KCNH2: variants seen among roughly 807,000 people sequenced by gnomAD.
KCNH2 encodes the protein voltage-gated inwardly rectifying potassium channel KCNH2.
KCNH2 carries 35 observed loss-of-function variants against 95.9 expected under a neutral mutation model. The ratio of observed to expected loss-of-function variants is 0.37; its 90% CI spans 0.28 to 0.48. KCNH2 has a LOEUF of 0.48. Ranked by LOEUF, KCNH2 falls within the 20% of genes least tolerant of loss-of-function variation. The probability of loss-of-function intolerance (pLI) is 0.99; values close to 1 mark genes in which losing one functional copy is unlikely to be tolerated. For missense variants in KCNH2, 1,274 were observed against 1,702.9 expected (o/e 0.75, Z 4.43); for synonymous variants, 786 against 754.7 (o/e 1.04, Z -0.68).
chr7:150,965,779 C>T (rs977036237), intron 2 of KCNH2, among the ~76,000 whole-genome samples: 10 of 152,226 alleles, frequency 6.6e-5, no homozygotes, highest in Admixed American at 3.9e-4. Context: ...CAGGGCAGGA[C>T]TGGCAGTTGC....
intron 2 of KCNH2, among the ~76,000 whole-genome samples, chr7:150,960,458 C>T (rs924021368): frequency 1.6e-4 from 25 of 152,314 alleles, no homozygotes; most frequent in Admixed American, 3.9e-4. Flanking sequence ...ACACTACAGA[C>T]GGTTAGCTGT....
chr7:150,973,774 C>T (rs1247044838), intron 2 of KCNH2, among the ~76,000 whole-genome samples: 2 of 152,258 alleles, frequency 1.3e-5, no homozygotes, highest in Non-Finnish European at 2.9e-5. Context: ...CTGTCTACAG[C>T]AGACAAGCTC....
At chr7:150,967,931 C>T (rs1215386910) in intron 2 of KCNH2, among the ~76,000 whole-genome samples, 3 of 152,146 alleles carry the variant, frequency 2.0e-5, no homozygotes, top group African/African-American at 4.8e-5. Context: ...TCCTGCAAAT[C>T]AACAAGGACA....
rs909249955 is a variant in KCNH2 at position 150,962,880 on chromosome 7, G to A, written c.308-3144C>T. On this transcript the variant is annotated intron_variant, in intron 2 of 14. Coordinates refer to ENST00000262186, the MANE Select transcript of KCNH2 (RefSeq NM_000238.4). The surrounding 1 kb of genome is among the most constrained non-coding windows in gnomAD (Gnocchi z 5.7). ...AGGCACTGCCTGCAACCACCCTGCCGCGTCGGCTGGGGCTTCGGTGAACTG... is the reference window on the plus strand; with the variant it reads ...AGGCACTGCCTGCAACCACCCTGCCACGTCGGCTGGGGCTTCGGTGAACTG... Among the ~76,000 whole-genome samples the A allele has an allele frequency of 6.6e-6, 1 of 152,170 alleles. No homozygotes were observed. Among genetic ancestry groups the A allele is most frequent in the Non-Finnish European group, 1.5e-5 (1 of 68,026 alleles).
At position 150,952,406 on chromosome 7, in the gene KCNH2, G is replaced by T; in HGVS notation, c.1557+19C>A. On this transcript the variant is annotated intron_variant, in intron 6 of 14. Transcript: ENST00000262186. This position sits in a 1 kb window ranked among gnomAD's most constrained non-coding sequence, Gnocchi z 7.3. ...GGCCTCTCCTCTCCCTACACCACCT[G>T]CCTCCTTGCTGACCCCACCTCCTCA... 2 of 1,612,136 alleles carry T rather than the reference G, an allele frequency of 1.2e-6. No individual in the cohort carries two copies. The highest frequency in any genetic ancestry group is 1.7e-6 in the Non-Finnish European group (2 of 1,179,088).
chr7:150,947,378 G>GGGCCGCGAC lies in KCNH2; in HGVS notation c.3101_3102insGTCGCGGCC (p.Pro1034_Arg1035insSerArgPro), dbSNP rs2116928842. On this transcript the variant is annotated inframe_insertion, in exon 13 of 15. Transcript: ENST00000262186. ...CCAGCCTGCTCTCCACGTCGCCCCGGGGCCGCCGACCCGGGCTGGAGAGGG... is the reference window on the plus strand; with the variant it reads ...CCAGCCTGCTCTCCACGTCGCCCCGGGGCCGCGACGGCCGCCGACCCGGGCTGGAGAGGG... The GGGCCGCGAC allele has an allele frequency of 6.5e-7, 1 of 1,548,656 alleles. No homozygotes were observed. The highest frequency in any genetic ancestry group is 8.7e-7 in the Non-Finnish European group (1 of 1,147,198).
chr7:150,956,456 A>G (rs575520522), intron 5 of KCNH2, among the ~76,000 whole-genome samples: 1 of 152,198 alleles, frequency 6.6e-6, no homozygotes, highest in East Asian at 1.9e-4. Flanking sequence ...CCTCCACATT[A>G]TCCCAGGCTT....
Position 150,952,851 on chromosome 7 carries a change from G to A in KCNH2, c.1131C>T (p.Val377=), listed in dbSNP as rs1251473864. ...THNVTEKVTQ[V]LSLGADVLPE... is the part of the protein sequence containing the mutation. ...GCAGCACGTCGGCGCCCAGGGACAG[G>A]ACCTGCACCCGGGGAAGGCGGAGGT... is the stretch of plus-strand genomic sequence containing the variant. The change falls in exon 6 of 15, where the codon GTC becomes GTT. Residue 377 remains valine, a splice_region_variant and synonymous_variant. Coordinates refer to ENST00000262186, the MANE Select transcript of KCNH2 (RefSeq NM_000238.4). The surrounding 1 kb of genome is among the most constrained non-coding windows in gnomAD (Gnocchi z 7.3). 2 of 1,613,160 alleles carry A rather than the reference G, an allele frequency of 1.2e-6. No individual in the cohort carries two copies. The highest frequency in any genetic ancestry group is 1.1e-5 in the South Asian group (1 of 91,058).
intron 2 of KCNH2, among the ~76,000 whole-genome samples, chr7:150,970,272 C>A (rs1801806292): frequency 6.6e-6 from 1 of 151,788 alleles, no homozygotes; most frequent in African/African-American, 2.4e-5. Context: ...CCCTCACACA[C>A]CCCCAAGCTG....
At chr7:150,953,234 G>A (rs1011650130) in intron 5 of KCNH2, among the ~76,000 whole-genome samples, 1 of 152,180 alleles carries the variant, frequency 6.6e-6, no homozygotes, top group Non-Finnish European at 1.5e-5. Context: ...GACCGGAAAG[G>A]GTTCCAAGGA....
rs745885744 is a variant in KCNH2, at chr7:150,974,925, G to T, written c.93C>A (p.Ile31=). Residue 31 remains isoleucine, a synonymous_variant, in exon 2 of 15, where the codon ATC becomes ATA. Transcript: ENST00000262186. ...CGCAGTTCTCCACCCGAGCGTTGGC[G>T]ATGATGAACTTACGGCCTAGGGGGG... ...KFEGQSRKFI[I]ANARVENCAV... 6.2e-7 allele frequency: 1 copy of T among 1,607,020 alleles called. No individual in the cohort carries two copies.
In KCNH2 at chr7:150,950,111, C is replaced by A. The variant is rs779355544; in HGVS notation, c.2398+57G>T. ...AGTGACTGCATATTCAGAAGGCTCG[C>A]ACCTCTTGAGGCTGCAGAGGGCATT... On this transcript the variant is annotated intron_variant, in intron 9 of 14. Transcript: ENST00000262186. The A allele has an allele frequency of 1.2e-6, 2 of 1,611,804 alleles. No individual in the cohort carries two copies. Among genetic ancestry groups the A allele is most frequent in the Non-Finnish European group, 1.7e-6 (2 of 1,178,664 alleles).
At chr7:150,968,241 C>T (rs938061091) in intron 2 of KCNH2, among the ~76,000 whole-genome samples, 3 of 152,164 alleles carry the variant, frequency 2.0e-5, no homozygotes, top group Non-Finnish European at 4.4e-5. Flanking sequence ...TCCAGCAATT[C>T]CACTCCCGGG....
Position 150,945,141 on chromosome 7 carries a change from G to C in KCNH2, c.*224C>G, listed in dbSNP as rs1800843901. On this transcript the variant is annotated 3_prime_UTR_variant, in exon 15 of 15. Coordinates refer to ENST00000262186, the MANE Select transcript of KCNH2 (RefSeq NM_000238.4). The surrounding 1 kb of genome is among the most constrained non-coding windows in gnomAD (Gnocchi z 5.6). Reference sequence around the variant, plus strand: ...GACCAGCTAATGCCCTCAGGGCAGTGGGGGGACCACAGGCCCCACCTACTG... The same window carrying C: ...GACCAGCTAATGCCCTCAGGGCAGTCGGGGGACCACAGGCCCCACCTACTG... 3.4e-6 allele frequency: 2 copies of C among 589,160 alleles called. No homozygotes were observed. The highest frequency in any genetic ancestry group is 2.3e-5 in the South Asian group (1 of 44,322). The allele number at this position is 589,160 out of a possible 1,614,324, so 36.5% of individuals were successfully genotyped here.
At chr7:150,949,776 A>G in intron 9 of KCNH2, 1 of 1,202,162 alleles carries the variant, frequency 8.3e-7, no homozygotes, top group Non-Finnish European at 1.1e-6. Flanking sequence ...TTTGCTTTGG[A>G]TGTGTCAAGG....
chr7:150,952,862 G>A lies in KCNH2; in HGVS notation c.1129-9C>T, dbSNP rs372184728. 7.0e-5 allele frequency: 112 copies of A among 1,611,286 alleles called. No individual in the cohort carries two copies. Among genetic ancestry groups the A allele is most frequent in the Non-Finnish European group, 8.0e-5 (94 of 1,179,704 alleles). Reference sequence around the variant, plus strand: ...GCGCCCAGGGACAGGACCTGCACCCGGGGAAGGCGGAGGTGTGGGTGAGGC... The same window carrying A: ...GCGCCCAGGGACAGGACCTGCACCCAGGGAAGGCGGAGGTGTGGGTGAGGC... On this transcript the variant is annotated splice_polypyrimidine_tract_variant and intron_variant, in intron 5 of 14. Coordinates refer to ENST00000262186, the MANE Select transcript of KCNH2 (RefSeq NM_000238.4). The surrounding 1 kb of genome is among the most constrained non-coding windows in gnomAD (Gnocchi z 7.3).
At chr7:150,973,840 A>G (rs1021004551) in intron 2 of KCNH2, among the ~76,000 whole-genome samples, 4 of 152,210 alleles carry the variant, frequency 2.6e-5, no homozygotes, top group Non-Finnish European at 4.4e-5. Flanking sequence ...AGTGCCTGCC[A>G]GGCTCACAAG....
At chr7:150,972,827 G>T (rs922653222) in intron 2 of KCNH2, among the ~76,000 whole-genome samples, 1 of 152,318 alleles carries the variant, frequency 6.6e-6, no homozygotes, top group South Asian at 2.1e-4. Flanking sequence ...TGCAGAAGGG[G>T]GCCCATAGCC....
intron 1 of KCNH2, among the ~76,000 whole-genome samples, chr7:150,976,738 C>G (rs1037061013): frequency 2.6e-5 from 4 of 151,454 alleles, no homozygotes; most frequent in East Asian, 1.9e-4. Flanking sequence ...GCACCCCCCC[C>G]CACATCCATC....
Sources: gnomAD v4.1 joint callset for allele counts (sites outside exome capture counted in the v4.1 genomes callset) on GRCh38, gnomAD v4.1.1 for gene constraint, Gnocchi (gnomAD v3.1) non-coding constraint, MANE v1.5 for transcripts, NCBI Gene and HGNC (gene_info 2026-07-23, HGNC 2026-07-21) for gene names.